Variants in CAPN1 observed in about 807,000 individuals in gnomAD.
CAPN1 encodes the protein calpain-1 catalytic subunit.
Under a neutral mutation model 105.2 loss-of-function variants are expected in CAPN1, and 77 were observed. That is an observed-to-expected ratio of 0.73 (90% CI 0.61 to 0.88). CAPN1 has a LOEUF of 0.88. Ranked by LOEUF, CAPN1 falls within the 40% of genes least tolerant of loss-of-function variation. The probability of loss-of-function intolerance (pLI) is 0.00; values close to 1 mark genes in which losing one functional copy is unlikely to be tolerated. For synonymous variants in CAPN1, 355 were observed against 388.8 expected (o/e 0.91, Z 1.02); for missense variants, 833 against 976.6 (o/e 0.85, Z 1.96).
At chr11:65,201,827 GT>G (rs1198171280) in intron 10 of CAPN1, among the ~76,000 whole-genome samples, 81 of 103,182 alleles carry the variant, frequency 7.9e-4, no homozygotes, top group Non-Finnish European at 1.1e-3. Context: ...TTTTGTTTTT[GT>G]TTTTTTTTTT....
chr11:65,187,400 TC>T (rs1223897269), intron 7 of CAPN1, 102 bp downstream of exon 7: 1 of 733,032 alleles, frequency 1.4e-6, no homozygotes, highest in Non-Finnish European at 2.4e-6. Flanking sequence ...TGCTGGCTCC[TC>T]CTTTCCCCTC....
chr11:65,193,782 C>G (rs376101797), intron 10 of CAPN1, among the ~76,000 whole-genome samples: 1 of 151,612 alleles, frequency 6.6e-6, no homozygotes, highest in East Asian at 1.9e-4. Context: ...GTGGCACAAT[C>G]CTAGTCCTCT....
At position 65,188,083 on chromosome 11, in the gene CAPN1, G is replaced by A. The variant is rs1048653785; in HGVS notation, c.929+43G>A. ...CTGTCTGGAGTGCCTTGGGGAAACT[G>A]TTAGGTGCCCCGACATTTCTGCTCG... On this transcript the variant is annotated intron_variant, in intron 8 of 21. Coordinates refer to ENST00000279247, the MANE Select transcript of CAPN1 (RefSeq NM_005186.4). This position sits in a 1 kb window ranked among gnomAD's most constrained non-coding sequence, Gnocchi z 5.5. 29 of 1,341,388 alleles carry A rather than the reference G, an allele frequency of 2.2e-5. No individual in the cohort carries two copies. The highest frequency in any genetic ancestry group is 4.0e-4 in the Middle Eastern group (2 of 5,044). The allele number at this position is 1,341,388 out of a possible 1,614,324, so 83.1% of individuals were successfully genotyped here.
In CAPN1 at chr11:65,208,822, C is replaced by T. The variant is rs1436875689; in HGVS notation, c.1730-501C>T. ...CAGCACCTTAGTGCCAAAGAAAAGT[C>T]TACCTTTCCTCCCAGAGCCTCCTGG... On this transcript the variant is annotated intron_variant, in intron 16 of 21. Transcript: ENST00000279247. This position sits in a 1 kb window ranked among gnomAD's most constrained non-coding sequence, Gnocchi z 4.1. 4.7e-6 allele frequency: 1 copy of T among 212,916 alleles called. No individual in the cohort carries two copies. The highest frequency in any genetic ancestry group is 9.6e-6 in the Non-Finnish European group (1 of 104,288). 13.2% of individuals were successfully genotyped at this position (212,916 alleles called of 1,614,324 possible).
At chr11:65,206,080 G>A (rs1948952369) in intron 12 of CAPN1, 1 of 508,342 alleles carries the variant, frequency 2.0e-6, no homozygotes, top group African/African-American at 1.9e-5. Context: ...CCCTTGAGCA[G>A]TTGCTTAAGC....
chr11:65,181,677 A>ATCCCCCCCCGCGCTGGCCCC (rs1948533193), upstream of CAPN1: 1 of 226,016 alleles, frequency 4.4e-6, no homozygotes, highest in Non-Finnish European at 9.2e-6. The surrounding 1 kb of genome is among the most constrained non-coding windows in gnomAD (Gnocchi z 4.6). Flanking sequence ...CAGCCCCCCC[A>ATCCCCCCCCGCGCTGGCCCC]TCCCCCCCCG....
chr11:65,191,326 G>A (rs1185174540), intron 10 of CAPN1, among the ~76,000 whole-genome samples: 6 of 152,124 alleles, frequency 3.9e-5, no homozygotes, highest in Non-Finnish European at 8.8e-5. Flanking sequence ...TCTCCCAAGT[G>A]ATCTTGTTGC....
At chr11:65,187,173 G>T in intron 6 of CAPN1, 42 bp from the exon 7 acceptor site, 1 of 1,461,684 alleles carries the variant, frequency 6.8e-7, no homozygotes, top group Non-Finnish European at 9.5e-7. Context: ...GATAGGGCGG[G>T]GGGACCTAGC....
rs750733495 is a variant in CAPN1, at chr11:65,208,311, A to G, written c.1729+49A>G. 7 of 1,498,012 alleles carry G rather than the reference A, an allele frequency of 4.7e-6. No homozygotes were observed. The highest frequency in any genetic ancestry group is 2.5e-5 in the East Asian group (1 of 40,674). The allele number at this position is 1,498,012 out of a possible 1,614,324, so 92.8% of individuals were successfully genotyped here. A position where few individuals can be genotyped will look rare whatever the true frequency, so the allele number is the denominator to read the frequency against. ...ACCACCCCACCATTTCTTCCACATC[A>G]GAATCCAGGCTCCTGCTCACACATT... On this transcript the variant is annotated intron_variant, in intron 16 of 21. Coordinates refer to ENST00000279247, the MANE Select transcript of CAPN1 (RefSeq NM_005186.4). This position sits in a 1 kb window ranked among gnomAD's most constrained non-coding sequence, Gnocchi z 4.1.
In CAPN1 at chr11:65,186,293, C is replaced by A; in HGVS notation, c.714C>A (p.Ile238=). 1 of 1,613,470 alleles carries A rather than the reference C, an allele frequency of 6.2e-7. No individual in the cohort carries two copies. The highest frequency in any genetic ancestry group is 1.1e-5 in the South Asian group (1 of 91,008). Residue 238 remains isoleucine, a synonymous_variant, in exon 6 of 22, where the codon ATC becomes ATA. Transcript: ENST00000279247. ...RKAPSDLYQI[I]LKALERGSLL... is the part of the protein sequence containing the mutation. ...CTCCCAGTGACCTCTACCAGATCAT[C>A]CTCAAGGCGCTGGAGCGGGGCTCCC...
intron 14 of CAPN1, among the ~76,000 whole-genome samples, chr11:65,207,702 C>T (rs1160420893): frequency 6.6e-6 from 1 of 151,350 alleles, no homozygotes; most frequent in South Asian, 2.1e-4. Context: ...AACCTGAGGT[C>T]GGGAGTTTGA....
Position 65,208,262 on chromosome 11 carries a change from C to A in CAPN1, c.1729C>A (p.His577Asn), listed in dbSNP as rs377272789. ...AATCCTCAATAGGATCATCAGCAAA[C>A]GTGAGTCCCCGCGGGGCTGTCCCAC... is the stretch of plus-strand genomic sequence containing the variant. ...RTILNRIISK[H>N]KDLRTKGFSL... Residue 577 changes from histidine (H) to asparagine (N), a missense_variant and splice_region_variant, in exon 16 of 22, where the codon CAC (histidine) becomes AAC (asparagine). Physicochemically the swap from His to Asn is moderately conservative, Grantham distance 68. Coordinates refer to ENST00000279247, the MANE Select transcript of CAPN1 (RefSeq NM_005186.4). This position sits in a 1 kb window ranked among gnomAD's most constrained non-coding sequence, Gnocchi z 4.1. The A allele has an allele frequency of 3.2e-6, 5 of 1,560,246 alleles. No individual in the cohort carries two copies. The highest frequency in any genetic ancestry group is 2.7e-5 in the African/African-American group (2 of 73,374).
chr11:65,211,738 G>A lies in CAPN1; in HGVS notation c.*452G>A, dbSNP rs557987603. 54 of 171,924 alleles carry A rather than the reference G, an allele frequency of 3.1e-4. No homozygotes were observed. Among genetic ancestry groups the A allele is most frequent in the Non-Finnish European group, 5.2e-4 (42 of 80,082 alleles). 10.6% of individuals were successfully genotyped at this position (171,924 alleles called of 1,614,324 possible). On this transcript the variant is annotated 3_prime_UTR_variant, in exon 22 of 22. Transcript: ENST00000279247. ...CCGCCTCCCGGCTCGGGGAGGCCCC[G>A]GGGCTGGGAACGCCTGTGCCTTCCT... is the stretch of plus-strand genomic sequence containing the variant.
rs756205995 is a variant in CAPN1 at position 65,187,995 on chromosome 11, G to A, written c.884G>A (p.Arg295Gln). 77 of 1,561,972 alleles carry A rather than the reference G, an allele frequency of 4.9e-5. No individual in the cohort carries two copies. In the East Asian group the frequency reaches 7.7e-4, roughly 16 times the overall value. Residue 295 changes from arginine to glutamine, a missense_variant, in exon 8 of 22, where the codon CGG becomes CAG. Arg to Gln is a conservative substitution (Grantham distance 43). Transcript: ENST00000279247. ...RGQVVSLIRM[R>Q]NPWGEVEWTG... ...CAGGTGGTGAGCCTGATCCGGATGCGGAACCCCTGGGGCGAGGTGGAGTGG... is the reference window on the plus strand; with the variant it reads ...CAGGTGGTGAGCCTGATCCGGATGCAGAACCCCTGGGGCGAGGTGGAGTGG...
At position 65,209,702 on chromosome 11, in the gene CAPN1, G is replaced by A; in HGVS notation, c.1795-147G>A. ...CAGAGAATAAGGCAAGCCCGGCTGTGGGCTGACTGTACATGGCTTTTGCTG... is the reference window on the plus strand; with the variant it reads ...CAGAGAATAAGGCAAGCCCGGCTGTAGGCTGACTGTACATGGCTTTTGCTG... On this transcript the variant is annotated intron_variant, in intron 17 of 21. Coordinates refer to ENST00000279247, the MANE Select transcript of CAPN1 (RefSeq NM_005186.4). This position sits in a 1 kb window ranked among gnomAD's most constrained non-coding sequence, Gnocchi z 4.1. 1 of 780,920 alleles carries A rather than the reference G, an allele frequency of 1.3e-6. No individual in the cohort carries two copies. The highest frequency in any genetic ancestry group is 2.1e-6 in the Non-Finnish European group (1 of 470,812). 48.4% of individuals were successfully genotyped at this position (780,920 alleles called of 1,614,324 possible). A position where few individuals can be genotyped will look rare whatever the true frequency, so the allele number is the denominator to read the frequency against.
At chr11:65,200,379 C>G (rs1468389220) in intron 10 of CAPN1, among the ~76,000 whole-genome samples, 1 of 151,934 alleles carries the variant, frequency 6.6e-6, no homozygotes, top group Non-Finnish European at 1.5e-5. Flanking sequence ...GACTCTCACT[C>G]TGTCGCCCAG....
In CAPN1 at chr11:65,208,608, T is replaced by A. The variant is rs1948999138; in HGVS notation, c.1729+346T>A. 3 of 380,128 alleles carry A rather than the reference T, an allele frequency of 7.9e-6. No homozygotes were observed. The highest frequency in any genetic ancestry group is 4.1e-5 in the African/African-American group (2 of 48,538). 23.5% of individuals were successfully genotyped at this position (380,128 alleles called of 1,614,324 possible). A position where few individuals can be genotyped will look rare whatever the true frequency, so the allele number is the denominator to read the frequency against. On this transcript the variant is annotated intron_variant, in intron 16 of 21. Coordinates refer to ENST00000279247, the MANE Select transcript of CAPN1 (RefSeq NM_005186.4). The surrounding 1 kb of genome is among the most constrained non-coding windows in gnomAD (Gnocchi z 4.1). ...GCCTGGACAATATGGAGAGACCCTG[T>A]CTCTGCAAAAAAGTACAAAAATTAG...
At position 65,206,803 on chromosome 11, in the gene CAPN1, C is replaced by T. The variant is rs1418139554; in HGVS notation, c.1589C>T (p.Ala530Val). ...AGGGAGCTGGATGACCAGATCCAGG[C>T]CAATCTCCCCGATGAGGTGCGTGGT... is the stretch of plus-strand genomic sequence containing the variant. ...GTVELDDQIQANLPDEQVLSE... is the reference protein window; with the variant it reads ...GTVELDDQIQVNLPDEQVLSE... Residue 530 changes from alanine (A) to valine (V), a missense_variant, in exon 14 of 22, where the codon GCC becomes GTC. Transcript: ENST00000279247. 1 of 1,612,618 alleles carries T rather than the reference C, an allele frequency of 6.2e-7. No homozygotes were observed. The highest frequency in any genetic ancestry group is 8.5e-7 in the Non-Finnish European group (1 of 1,179,472).
chr11:65,188,249 C>CT lies in CAPN1; in HGVS notation c.930-164dup. The CT allele has an allele frequency of 4.3e-6, 3 of 701,950 alleles. No homozygotes were observed. In the South Asian group the frequency reaches 5.6e-5, roughly 13 times the overall value. 43.5% of individuals were successfully genotyped at this position (701,950 alleles called of 1,614,324 possible). The stretch of plus-strand genomic sequence containing the variant: ...CGTCGGGTGTGTGCAGGGCATCAGA[C>CT]TGGCCCTGATGAGACCACCCCCTAG... On this transcript the variant is annotated intron_variant, in intron 8 of 21. Coordinates refer to ENST00000279247, the MANE Select transcript of CAPN1 (RefSeq NM_005186.4). This position sits in a 1 kb window ranked among gnomAD's most constrained non-coding sequence, Gnocchi z 5.5.
Sources: gnomAD v4.1 joint callset for allele counts (sites outside exome capture counted in the v4.1 genomes callset) on GRCh38, gnomAD v4.1.1 for gene constraint, Gnocchi (gnomAD v3.1) non-coding constraint, MANE v1.5 for transcripts, NCBI Gene and HGNC (gene_info 2026-07-23, HGNC 2026-07-21) for gene names.